Variants in COL25A1 observed in about 807,000 individuals in gnomAD.
COL25A1 encodes collagen type XXV alpha 1 chain.
Under a neutral mutation model 128.4 loss-of-function variants are expected in COL25A1, and 103 were observed. The observed-to-expected ratio is 0.80, with a 90% CI of 0.68 to 0.94. The LOEUF is 0.94. Ranked by LOEUF, COL25A1 falls within the 40% of genes least tolerant of loss-of-function variation. The probability of loss-of-function intolerance (pLI) is 0.00; values close to 1 mark genes in which losing one functional copy is unlikely to be tolerated. For missense variants in COL25A1, 745 were observed against 840.0 expected (o/e 0.89, Z 1.40); for synonymous variants, 279 against 277.2 (o/e 1.01, Z -0.06).
At chr4:108,835,407 G>A (rs1245772315) in intron 31 of COL25A1, among the ~76,000 whole-genome samples, 1 of 151,024 alleles carries the variant, frequency 6.6e-6, no homozygotes, top group Non-Finnish European at 1.5e-5. Flanking sequence ...TTCAGATGCA[G>A]TTAATAATAC....
intron 3 of COL25A1, among the ~76,000 whole-genome samples, chr4:109,220,461 C>A (rs150101042): frequency 0.01 from 1,583 of 152,250 alleles, 17 homozygotes; most frequent in Non-Finnish European, 0.017. Context: ...ACCAGACACA[C>A]TGTGGTTCCC....
At chr4:109,152,419 G>A (rs998204481) in intron 3 of COL25A1, among the ~76,000 whole-genome samples, 1 of 152,140 alleles carries the variant, frequency 6.6e-6, no homozygotes, top group Non-Finnish European at 1.5e-5. Flanking sequence ...AGTATATAGA[G>A]CTATTCTGCA....
intron 8 of COL25A1, among the ~76,000 whole-genome samples, chr4:108,965,742 A>G (rs559198720): frequency 6.6e-6 from 1 of 151,590 alleles, no homozygotes; most frequent in Non-Finnish European, 1.5e-5. Context: ...GGTGTAGATG[A>G]CAACGGGAGA....
chr4:109,195,449 A>G (rs1474152218), intron 3 of COL25A1, among the ~76,000 whole-genome samples: 1 of 152,220 alleles, frequency 6.6e-6, no homozygotes, highest in East Asian at 1.9e-4. Context: ...TGTTCATTTA[A>G]TAGACGTGAA....
chr4:109,189,477 G>C (rs939000765), intron 3 of COL25A1, among the ~76,000 whole-genome samples: 3 of 148,132 alleles, frequency 2.0e-5, no homozygotes, highest in African/African-American at 7.6e-5. Flanking sequence ...GAACCCAGGA[G>C]GCAGAGCATG....
At chr4:109,239,010 G>T (rs1779654886) in intron 3 of COL25A1, among the ~76,000 whole-genome samples, 1 of 151,946 alleles carries the variant, frequency 6.6e-6, no homozygotes. Flanking sequence ...AGGCTAATCA[G>T]TAATTCCTGA....
rs755413819 is a variant in COL25A1 at position 108,855,196 on chromosome 4, T to TTTG, written c.1321-2272_1321-2271insCAA. ...TGATTTGAGCTGTTGTTACTGTTTT[T>TTTG]TTTTTTTATTTTTTAAATTGTTGTA... On this transcript the variant is annotated intron_variant, in intron 24 of 37. Coordinates refer to ENST00000399132, the MANE Select transcript of COL25A1 (RefSeq NM_198721.4). Among the ~76,000 whole-genome samples, 1,385 of 145,444 alleles carry TTTG rather than the reference T, an allele frequency of 9.5e-3. 32 individuals carry two copies. Among genetic ancestry groups the TTTG allele is most frequent in the African/African-American group, 0.034 (1,310 of 38,164 alleles).
intron 6 of COL25A1, among the ~76,000 whole-genome samples, chr4:108,977,171 A>C (rs989659165): frequency 6.6e-6 from 1 of 152,160 alleles, no homozygotes; most frequent in African/African-American, 2.4e-5. Flanking sequence ...TGCATTTTCC[A>C]CAGTGTCACA....
intron 3 of COL25A1, among the ~76,000 whole-genome samples, chr4:109,148,971 C>T (rs938160552): frequency 3.3e-5 from 5 of 152,204 alleles, no homozygotes; most frequent in African/African-American, 1.2e-4. Flanking sequence ...CCCTTCTTCC[C>T]TTTGAAGTCT....
rs915487325 is a variant in COL25A1 at position 109,060,717 on chromosome 4, T to G, written c.368-10538A>C. ...AAAAAAAAACAAAAAAACATTACCT[T>G]CTTGGCAAAATGAGTTCATGGCTTT... On this transcript the variant is annotated intron_variant, in intron 3 of 37. Transcript: ENST00000399132. Among the ~76,000 whole-genome samples the G allele has an allele frequency of 5.9e-4, 89 of 151,550 alleles. 2 individuals carry two copies. Among genetic ancestry groups the G allele is most frequent in the African/African-American group, 2.1e-3 (84 of 40,936 alleles).
chr4:109,240,800 T>G (rs1239099751), intron 3 of COL25A1, among the ~76,000 whole-genome samples: 1 of 152,098 alleles, frequency 6.6e-6, no homozygotes, highest in Non-Finnish European at 1.5e-5. Context: ...CTGAAAGAAT[T>G]GAATGAAATA....
At chr4:109,273,860 A>G (rs1428422903) in intron 3 of COL25A1, among the ~76,000 whole-genome samples, 5 of 152,228 alleles carry the variant, frequency 3.3e-5, no homozygotes, top group Non-Finnish European at 5.9e-5. Context: ...GGAATTAAAT[A>G]AGACAATTAA....
In COL25A1 at chr4:109,301,789, C is replaced by T; in HGVS notation, c.231G>A (p.Leu77=). The change falls in exon 2 of 38, where the codon CTG becomes CTA. Residue 77 remains leucine, a synonymous_variant. Transcript: ENST00000399132. ...ESAKGAPSIH[L]LPDTLDHLKT... ...TGAGGTGATCCAGGGTATCAGGCAG[C>T]AGATGAATGGAAGGGGCCCCTTTGG... 6.2e-7 allele frequency: 1 copy of T among 1,614,264 alleles called. No homozygotes were observed. Among genetic ancestry groups the T allele is most frequent in the Non-Finnish European group, 8.5e-7 (1 of 1,180,050 alleles).
chr4:109,152,094 A>AT (rs1553944879), intron 3 of COL25A1, among the ~76,000 whole-genome samples: 111 of 105,886 alleles, frequency 1.0e-3, no homozygotes, highest in Non-Finnish European at 2.1e-3. Context: ...TGACTTTTTA[A>AT]TAAAAAAAAA....
chr4:109,253,894 T>C (rs369434605), intron 3 of COL25A1, among the ~76,000 whole-genome samples: 5 of 152,254 alleles, frequency 3.3e-5, no homozygotes, highest in South Asian at 2.1e-4. Context: ...GAGACCATCC[T>C]GGCTAACACG....
rs556699235 is a variant in COL25A1 at position 108,819,193 on chromosome 4, T to C, written c.1923+59A>G. The C allele has an allele frequency of 2.3e-4, 304 of 1,307,444 alleles. 6 individuals carry two copies. In the South Asian group the frequency reaches 3.8e-3, roughly 16 times the overall value. 81.0% of individuals were successfully genotyped at this position (1,307,444 alleles called of 1,614,324 possible). On this transcript the variant is annotated intron_variant, in intron 36 of 37. Coordinates refer to ENST00000399132, the MANE Select transcript of COL25A1 (RefSeq NM_198721.4). ...AAGCACCACTTTACACTGATAGAGA[T>C]GAACATGTGATAAACAAAGGAACTG...
chr4:109,227,008 C>A (rs1338322253), intron 3 of COL25A1, among the ~76,000 whole-genome samples: 3 of 152,116 alleles, frequency 2.0e-5, no homozygotes, highest in South Asian at 4.1e-4. Context: ...TATATAACTG[C>A]AGTTATCTGA....
At chr4:108,927,259 G>T (rs1293013418) in intron 11 of COL25A1, among the ~76,000 whole-genome samples, 1 of 151,864 alleles carries the variant, frequency 6.6e-6, no homozygotes, top group African/African-American at 2.4e-5. Flanking sequence ...ATTTCAACTG[G>T]CTATATTTTA....
intron 3 of COL25A1, among the ~76,000 whole-genome samples, chr4:109,185,612 T>C (rs963873708): frequency 6.6e-6 from 1 of 152,216 alleles, no homozygotes; most frequent in African/African-American, 2.4e-5. Flanking sequence ...GCCTTCCCCA[T>C]TCAAATGCTA....
Sources: gnomAD v4.1 joint callset for allele counts (sites outside exome capture counted in the v4.1 genomes callset) on GRCh38, gnomAD v4.1.1 for gene constraint, MANE v1.5 for transcripts, NCBI Gene and HGNC (gene_info 2026-07-23, HGNC 2026-07-21) for gene names.